TOM1L2: variants seen among roughly 807,000 people sequenced by gnomAD.
TOM1L2 encodes target of myb1 like 2 membrane trafficking protein, also known as TOM1-like protein 2.
TOM1L2 carries 31 observed loss-of-function variants against 67.9 expected under a neutral mutation model. The ratio of observed to expected loss-of-function variants is 0.46; its 90% CI spans 0.34 to 0.62. The LOEUF (loss-of-function observed/expected upper bound fraction) is 0.62, where lower values mean the gene tolerates loss of function less well. Among genes scored for constraint, TOM1L2 ranks in the 20% least tolerant of loss-of-function variants. The pLI is 0.01. For synonymous variants in TOM1L2, 256 were observed against 254.0 expected, an observed-to-expected ratio of 1.01 and a Z score of -0.07; for missense variants, 606 against 663.5, an observed-to-expected ratio of 0.91 and a Z score of 0.95.
intron 1 of TOM1L2, among the ~76,000 whole-genome samples, chr17:17,939,841 A>G (rs1206908434): frequency 6.6e-6 from 1 of 152,210 alleles, no homozygotes; most frequent in Non-Finnish European, 1.5e-5. Flanking sequence ...AGTCCCCATT[A>G]TGTAGGAGGC....
intron 1 of TOM1L2, among the ~76,000 whole-genome samples, chr17:17,913,115 G>A (rs2039468480): frequency 6.6e-6 from 1 of 151,586 alleles, no homozygotes; most frequent in South Asian, 2.1e-4. Flanking sequence ...CAGGGAGGTT[G>A]CAGTGAGCCG....
chr17:17,965,563 T>C (rs2041845128), intron 1 of TOM1L2, among the ~76,000 whole-genome samples: 1 of 152,214 alleles, frequency 6.6e-6, no homozygotes, highest in Non-Finnish European at 1.5e-5. Context: ...CTCACTTTAC[T>C]CTTGCTGAGG....
intron 12 of TOM1L2, among the ~76,000 whole-genome samples, chr17:17,854,153 GTAAA>G (rs2036141677): frequency 6.6e-6 from 1 of 152,220 alleles, no homozygotes; most frequent in African/African-American, 2.4e-5. Flanking sequence ...TCTTGTCCTG[GTAAA>G]TAAATGCCTT....
intron 4 of TOM1L2, among the ~76,000 whole-genome samples, chr17:17,890,455 C>CAAGT (rs1314717131): frequency 1.4e-4 from 22 of 152,312 alleles, no homozygotes; most frequent in African/African-American, 5.1e-4. Flanking sequence ...CAAGAAAAGT[C>CAAGT]AAGTGCTAGA....
chr17:17,898,475 C>T (rs2038685406), intron 3 of TOM1L2, 121 bp downstream of exon 3: 1 of 1,012,014 alleles, frequency 9.9e-7, no homozygotes, highest in East Asian at 2.4e-5. Context: ...TCCAGTGGCC[C>T]AGGCACCAAG....
At chr17:17,950,462 C>CTT (rs1002265522) in intron 1 of TOM1L2, among the ~76,000 whole-genome samples, 1 of 147,798 alleles carries the variant, frequency 6.8e-6, no homozygotes, top group Non-Finnish European at 1.5e-5. Context: ...CCTAGCCTCT[C>CTT]TTTTTTTTTT....
At chr17:17,903,608 A>G (rs1381826819) in intron 2 of TOM1L2, among the ~76,000 whole-genome samples, 1 of 148,124 alleles carries the variant, frequency 6.8e-6, no homozygotes, top group Non-Finnish European at 1.5e-5. Context: ...GCGAGACTCC[A>G]TCTCAAAAAA....
intron 12 of TOM1L2, chr17:17,859,195 C>G (rs1433179551): frequency 6.6e-6 from 1 of 152,218 alleles, no homozygotes; most frequent in Non-Finnish European, 1.5e-5. Flanking sequence ...CCTACCCCAG[C>G]CTCCTGAGTA....
chr17:17,926,224 A>T (rs762869521), intron 1 of TOM1L2, among the ~76,000 whole-genome samples: 1 of 151,052 alleles, frequency 6.6e-6, no homozygotes, highest in Non-Finnish European at 1.5e-5. Context: ...TGGCCTAAAC[A>T]TAAGTAAGCT....
At chr17:17,926,041 C>T (rs1009964047) in intron 1 of TOM1L2, among the ~76,000 whole-genome samples, 4 of 151,838 alleles carry the variant, frequency 2.6e-5, no homozygotes, top group African/African-American at 7.3e-5. Flanking sequence ...CTCAGTGGCA[C>T]GCACCTGTAG....
intron 13 of TOM1L2, among the ~76,000 whole-genome samples, chr17:17,849,563 A>G (rs1256929886): frequency 1.3e-5 from 2 of 152,212 alleles, no homozygotes; most frequent in Non-Finnish European, 2.9e-5. Context: ...ATCAGACTTG[A>G]TTTTGTTTGG....
chr17:17,860,943 G>A (rs1437584899), intron 12 of TOM1L2, among the ~76,000 whole-genome samples: 3 of 152,164 alleles, frequency 2.0e-5, no homozygotes, highest in Non-Finnish European at 4.4e-5. Flanking sequence ...ACAAACCCTG[G>A]CTCTCGAGTG....
chr17:17,931,754 A>G (rs1405780397), intron 1 of TOM1L2, among the ~76,000 whole-genome samples: 1 of 152,238 alleles, frequency 6.6e-6, no homozygotes, highest in African/African-American at 2.4e-5. Flanking sequence ...CAAAGCTCCT[A>G]TAACTCCTGG....
chr17:17,865,409 A>G (rs1304320845), intron 10 of TOM1L2, among the ~76,000 whole-genome samples: 2 of 152,032 alleles, frequency 1.3e-5, no homozygotes, highest in African/African-American at 2.4e-5. Context: ...TTTGAGATGG[A>G]GTCGTCCCCC....
chr17:17,848,824 T>G lies in TOM1L2; in HGVS notation c.1374A>C (p.Glu458Asp), dbSNP rs200566614. Residue 458 changes from glutamate to aspartate, a missense_variant and splice_region_variant, in exon 14 of 15, where the codon GAA becomes GAC. Coordinates refer to ENST00000379504, the MANE Select transcript of TOM1L2 (RefSeq NM_001082968.2). ...GTAAGGCCACTGGCCAGGCCATACC[T>G]TCACTTGTGACACCCTCCTCCAGAT... ...GDDLEEGVTSEEFDKFLEERA... is the reference protein window; with the variant it reads ...GDDLEEGVTSDEFDKFLEERA... 6 of 1,613,990 alleles carry G rather than the reference T, an allele frequency of 3.7e-6. No homozygotes were observed.
At chr17:17,946,076 T>G (rs1225383736) in intron 1 of TOM1L2, among the ~76,000 whole-genome samples, 4 of 152,048 alleles carry the variant, frequency 2.6e-5, no homozygotes, top group Admixed American at 2.6e-4. Context: ...GGTTTCATCA[T>G]GTTGGAGACC....
At chr17:17,952,531 A>G (rs2144913758) in intron 1 of TOM1L2, among the ~76,000 whole-genome samples, 1 of 151,342 alleles carries the variant, frequency 6.6e-6, no homozygotes. Flanking sequence ...AGCTGGGACC[A>G]CAGGTGCGTG....
At chr17:17,968,378 G>C (rs2041942390) in intron 1 of TOM1L2, among the ~76,000 whole-genome samples, 1 of 152,174 alleles carries the variant, frequency 6.6e-6, no homozygotes, top group African/African-American at 2.4e-5. Context: ...AAAGAACGTA[G>C]TCTTTGGGCC....
chr17:17,884,809 C>G (rs1434703765), intron 4 of TOM1L2, 41 bp from the exon 5 acceptor site: 1 of 1,610,658 alleles, frequency 6.2e-7, no homozygotes, highest in Admixed American at 1.7e-5. Context: ...TTTCTCAGAG[C>G]TGCCATGGTA....
Sources: allele counts gnomAD v4.1 joint callset (sites outside exome capture counted in the v4.1 genomes callset), GRCh38; gene constraint gnomAD v4.1.1; transcripts MANE v1.5; gene names NCBI Gene and HGNC (gene_info 2026-07-23, HGNC 2026-07-21).